ATF6: variants seen among roughly 807,000 people sequenced by gnomAD.
ATF6 encodes the protein activating transcription factor 6.
In ATF6, 53 loss-of-function variants were observed where a neutral mutation model predicts 83.6. The observed-to-expected ratio is 0.63, with a 90% CI of 0.51 to 0.80. The LOEUF (loss-of-function observed/expected upper bound fraction) is 0.80, where lower values mean the gene tolerates loss of function less well. Ranked by LOEUF, ATF6 falls within the 30% of genes least tolerant of loss-of-function variation. The pLI is 0.00. For missense variants in ATF6, 744 were observed against 797.9 expected, an observed-to-expected ratio of 0.93 and a Z score of 0.81; for synonymous variants, 288 against 285.8, an observed-to-expected ratio of 1.01 and a Z score of -0.08.
intron 7 of ATF6, among the ~76,000 whole-genome samples, chr1:161,813,997 G>T (rs1281926677): frequency 6.6e-6 from 1 of 151,206 alleles, no homozygotes; most frequent in African/African-American, 2.4e-5. Flanking sequence ...CAATTCTCCT[G>T]CCTCAGCCTC....
intron 7 of ATF6, among the ~76,000 whole-genome samples, chr1:161,808,232 T>C: frequency 6.6e-6 from 1 of 152,306 alleles, no homozygotes; most frequent in South Asian, 2.1e-4. Flanking sequence ...ATTCTGATTT[T>C]TATCTTAATA....
chr1:161,863,864 C>T (rs569238109), intron 14 of ATF6, among the ~76,000 whole-genome samples: 1 of 152,268 alleles, frequency 6.6e-6, no homozygotes, highest in African/African-American at 2.4e-5. Context: ...AATGTTTATA[C>T]TAGCACTTTT....
intron 1 of ATF6, among the ~76,000 whole-genome samples, chr1:161,776,397 C>G (rs970759630): frequency 6.6e-6 from 1 of 152,002 alleles, no homozygotes; most frequent in Non-Finnish European, 1.5e-5. Flanking sequence ...TGACTGTGCA[C>G]AAAACCCCAT....
At chr1:161,862,824 G>T (rs183088291) in intron 13 of ATF6, among the ~76,000 whole-genome samples, 9 of 151,930 alleles carry the variant, frequency 5.9e-5, no homozygotes. Flanking sequence ...TCGACAGGGT[G>T]GTGAAAAATG....
At chr1:161,770,968 T>C (rs1684370842) in intron 1 of ATF6, among the ~76,000 whole-genome samples, 2 of 152,252 alleles carry the variant, frequency 1.3e-5, no homozygotes, top group South Asian at 2.1e-4. Flanking sequence ...ATGAGCATTT[T>C]TGATGCTCCA....
chr1:161,934,023 T>C (rs904088725), intron 15 of ATF6, among the ~76,000 whole-genome samples: 1 of 152,188 alleles, frequency 6.6e-6, no homozygotes, highest in Non-Finnish European at 1.5e-5. Flanking sequence ...AAAATGATAG[T>C]TGAAAAGATT....
At chr1:161,786,933 C>A (rs1684760775) in intron 4 of ATF6, among the ~76,000 whole-genome samples, 1 of 152,192 alleles carries the variant, frequency 6.6e-6, no homozygotes, top group Non-Finnish European at 1.5e-5. Flanking sequence ...TGAAACAGTT[C>A]TTCATTAATC....
intron 15 of ATF6, among the ~76,000 whole-genome samples, chr1:161,934,064 A>G (rs1312475413): frequency 6.6e-6 from 1 of 152,268 alleles, no homozygotes; most frequent in Non-Finnish European, 1.5e-5. Flanking sequence ...GATAACTTGT[A>G]CGTAAACAGG....
chr1:161,906,907 C>T (rs116741368), intron 14 of ATF6, among the ~76,000 whole-genome samples: 31 of 152,226 alleles, frequency 2.0e-4, no homozygotes, highest in African/African-American at 7.2e-4. Context: ...TATGTTTTTA[C>T]TATGCTGAGA....
intron 2 of ATF6, among the ~76,000 whole-genome samples, chr1:161,778,598 C>T (rs1684572739): frequency 6.6e-6 from 1 of 152,114 alleles, no homozygotes; most frequent in Non-Finnish European, 1.5e-5. Flanking sequence ...TTTACAGATA[C>T]TTTGCTACAT....
chr1:161,780,819 C>T (rs1359776991), intron 2 of ATF6, among the ~76,000 whole-genome samples: 1 of 152,126 alleles, frequency 6.6e-6, no homozygotes, highest in Non-Finnish European at 1.5e-5. Flanking sequence ...AAGCGATCTT[C>T]CCACCCCAGC....
chr1:161,842,560 G>A (rs1290060229), intron 9 of ATF6, among the ~76,000 whole-genome samples: 5 of 152,254 alleles, frequency 3.3e-5, no homozygotes, highest in African/African-American at 9.6e-5. Context: ...AATAGCATTC[G>A]CAGCAACCTG....
chr1:161,832,453 G>A (rs1686089085), intron 9 of ATF6, among the ~76,000 whole-genome samples: 1 of 152,144 alleles, frequency 6.6e-6, no homozygotes, highest in Admixed American at 6.5e-5. Flanking sequence ...GAAGCAGGGT[G>A]AGGCATTGCC....
chr1:161,809,735 A>G (rs1221171604), intron 7 of ATF6, among the ~76,000 whole-genome samples: 1 of 152,192 alleles, frequency 6.6e-6, no homozygotes, highest in Non-Finnish European at 1.5e-5. Flanking sequence ...TTGCCATTCT[A>G]ACTGGTGTGA....
At chr1:161,862,134 G>A (rs920432020) in intron 13 of ATF6, among the ~76,000 whole-genome samples, 2 of 152,162 alleles carry the variant, frequency 1.3e-5, no homozygotes, top group Non-Finnish European at 1.5e-5. Flanking sequence ...GATGGTTTAG[G>A]ATTCACTAAT....
At chr1:161,892,731 G>A (rs545165785) in intron 14 of ATF6, among the ~76,000 whole-genome samples, 2 of 149,794 alleles carry the variant, frequency 1.3e-5, no homozygotes, top group Non-Finnish European at 2.9e-5. Context: ...CTGCCTCCCA[G>A]GTTCAAGAGA....
At chr1:161,879,736 A>G (rs554775349) in intron 14 of ATF6, among the ~76,000 whole-genome samples, 1 of 152,164 alleles carries the variant, frequency 6.6e-6, no homozygotes, top group South Asian at 2.1e-4. Context: ...ATTTCTGCTG[A>G]CATCATCAGG....
intron 14 of ATF6, among the ~76,000 whole-genome samples, chr1:161,873,494 TA>T (rs2101850553): frequency 1.3e-5 from 2 of 151,660 alleles, no homozygotes; most frequent in Admixed American, 1.3e-4. Flanking sequence ...CTCTCCTATA[TA>T]GTATACAGTG....
At chr1:161,806,631 A>G (rs1296676932) in intron 7 of ATF6, among the ~76,000 whole-genome samples, 2 of 152,138 alleles carry the variant, frequency 1.3e-5, no homozygotes, top group South Asian at 4.1e-4. Context: ...ACCCCACTGA[A>G]TATCTTCCAA....
Sources: gnomAD v4.1 joint callset for allele counts (sites outside exome capture counted in the v4.1 genomes callset) on GRCh38, gnomAD v4.1.1 for gene constraint, MANE v1.5 for transcripts, NCBI Gene and HGNC (gene_info 2026-07-23, HGNC 2026-07-21) for gene names.